Variants in EIF4G3 observed in about 807,000 individuals in gnomAD.
EIF4G3 encodes eIF-4-gamma 3.
Under a neutral mutation model 186.4 loss-of-function variants are expected in EIF4G3, and 34 were observed. The observed-to-expected ratio is 0.18, with a 90% CI of 0.14 to 0.24. The LOEUF (loss-of-function observed/expected upper bound fraction) is 0.24. Among genes scored for constraint, EIF4G3 ranks in the 10% least tolerant of loss-of-function variants. The probability of loss-of-function intolerance (pLI) is 1.00; values close to 1 mark genes in which losing one functional copy is unlikely to be tolerated. For missense variants in EIF4G3, 1,536 were observed against 1,948.5 expected, an observed-to-expected ratio of 0.79 and a Z score of 3.99; for synonymous variants, 673 against 679.5, an observed-to-expected ratio of 0.99 and a Z score of 0.15.
At chr1:21,070,232 TG>T (rs1244559438) in intron 3 of EIF4G3, among the ~76,000 whole-genome samples, 1 of 151,834 alleles carries the variant, frequency 6.6e-6, no homozygotes, top group African/African-American at 2.4e-5. Context: ...ACTAAGACTG[TG>T]GAAAAAAAAA....
intron 2 of EIF4G3, among the ~76,000 whole-genome samples, chr1:21,090,877 C>T (rs1431637081): frequency 6.6e-6 from 1 of 152,080 alleles, no homozygotes; most frequent in Non-Finnish European, 1.5e-5. Flanking sequence ...AAATAGGCAA[C>T]TAATATCAGG....
intron 2 of EIF4G3, among the ~76,000 whole-genome samples, chr1:21,157,468 C>A (rs534143516): frequency 6.6e-6 from 1 of 151,892 alleles, no homozygotes; most frequent in Non-Finnish European, 1.5e-5. Context: ...ACCTCCTGGG[C>A]TAGAGTGACC....
At chr1:20,989,582 AAGT>A (rs2080553683) in intron 7 of EIF4G3, among the ~76,000 whole-genome samples, 1 of 148,962 alleles carries the variant, frequency 6.7e-6, no homozygotes, top group African/African-American at 2.5e-5. Context: ...AAAAAAAAAA[AAGT>A]AGAGCCTGAA....
At chr1:20,886,059 G>T in intron 19 of EIF4G3, 142 bp downstream of exon 19, 1 of 1,072,548 alleles carries the variant, frequency 9.3e-7, no homozygotes. Context: ...ATCCATAATG[G>T]CTTTTAGAAT....
intron 4 of EIF4G3, among the ~76,000 whole-genome samples, chr1:21,030,792 A>G (rs2092668293): frequency 6.6e-6 from 1 of 152,220 alleles, no homozygotes. Context: ...CAGTGGCTCT[A>G]ATAGCGACCA....
rs115653489 is a variant in EIF4G3, at chr1:20,853,605, G to A, written c.3506C>T (p.Thr1169Met). 616 of 1,613,988 alleles carry A rather than the reference G, an allele frequency of 3.8e-4. 1 individual carries two copies. In the African/African-American group the frequency reaches 7.1e-3, roughly 19 times the overall value. Residue 1169 changes from threonine (T) to methionine (M), a missense_variant, in exon 27 of 37, where the codon ACG becomes ATG. This residue lies in a region of EIF4G3 where 395 missense variants were observed against 498.9 expected (regional missense o/e 0.79). Coordinates refer to ENST00000602326, the MANE Select transcript of EIF4G3 (RefSeq NM_001391906.1). ...ATCAAACTCTACAGGCGTGGATGGC[G>A]TGGACCCTGAGGGTGCTGGAGGTTG... is the stretch of plus-strand genomic sequence containing the variant. ...ALQPPAPSGS[T>M]PSTPVEFDSR...
At chr1:21,131,239 CA>C (rs33913086) in intron 2 of EIF4G3, among the ~76,000 whole-genome samples, 64,810 of 113,686 alleles carry the variant, frequency 0.57, 17,354 homozygotes, top group East Asian at 0.87. Flanking sequence ...GATTCTGCCT[CA>C]AAAAAAAAAA....
chr1:20,863,860 C>T (rs1402390604), intron 22 of EIF4G3, among the ~76,000 whole-genome samples: 1 of 151,964 alleles, frequency 6.6e-6, no homozygotes, highest in Non-Finnish European at 1.5e-5. Flanking sequence ...TTAGGAGTCA[C>T]AGAATGTTAA....
At chr1:21,116,761 C>T (rs1275233425) in intron 2 of EIF4G3, among the ~76,000 whole-genome samples, 2 of 151,448 alleles carry the variant, frequency 1.3e-5, no homozygotes, top group Non-Finnish European at 2.9e-5. Flanking sequence ...AACGCTTGAA[C>T]CCAGGAGGCG....
At chr1:20,840,723 A>G (rs1241333993) in intron 30 of EIF4G3, 133 bp downstream of exon 30, 1 of 749,000 alleles carries the variant, frequency 1.3e-6, no homozygotes, top group South Asian at 1.9e-5. Context: ...TAATTGCATC[A>G]TATCAACATA....
Position 20,981,137 on chromosome 1 carries a change from C to T in EIF4G3, c.289G>A (p.Val97Met). 6.2e-7 allele frequency: 1 copy of T among 1,613,840 alleles called. No individual in the cohort carries two copies. The highest frequency in any genetic ancestry group is 8.5e-7 in the Non-Finnish European group (1 of 1,179,944). Residue 97 changes from valine (V) to methionine (M), a missense_variant, in exon 9 of 37, where the codon GTG becomes ATG. This residue lies in a region of EIF4G3 where 194 missense variants were observed against 212.8 expected (regional missense o/e 0.91). Transcript: ENST00000602326. ...IRPGAQTPTA[V>M]YQANQHIMMV... The stretch of plus-strand genomic sequence containing the variant: ...ATGATGTGCTGATTAGCCTGGTACA[C>T]TGCAGTGGGTGTCTGTGCACCAGGA...
chr1:20,845,134 T>C (rs1343680818), intron 29 of EIF4G3, among the ~76,000 whole-genome samples: 1 of 152,198 alleles, frequency 6.6e-6, no homozygotes, highest in Non-Finnish European at 1.5e-5. Context: ...GATTTTTGTA[T>C]ATGGTATAAA....
intron 18 of EIF4G3, 52 bp from the exon 19 acceptor site, chr1:20,886,423 G>A: frequency 6.3e-7 from 1 of 1,575,222 alleles, no homozygotes; most frequent in East Asian, 2.2e-5. Flanking sequence ...TATTGGCTTT[G>A]TTGTGCTGTT....
chr1:21,151,468 G>A (rs2097549476), intron 2 of EIF4G3, among the ~76,000 whole-genome samples: 1 of 151,742 alleles, frequency 6.6e-6, no homozygotes, highest in Non-Finnish European at 1.5e-5. Flanking sequence ...TTGATCTCCT[G>A]ACCTCGTGAT....
At chr1:20,945,490 C>T (rs1476705268) in intron 13 of EIF4G3, among the ~76,000 whole-genome samples, 2 of 152,088 alleles carry the variant, frequency 1.3e-5, no homozygotes, top group Non-Finnish European at 2.9e-5. Flanking sequence ...TTCTGAGACA[C>T]AGTCTTGCTC....
At chr1:20,829,392 C>G in intron 30 of EIF4G3, 120 bp from the exon 31 acceptor site, 1 of 1,145,406 alleles carries the variant, frequency 8.7e-7, no homozygotes, top group South Asian at 1.4e-5. Flanking sequence ...TAGGTACAGT[C>G]TAGCCACAAA....
chr1:20,978,858 A>C (rs1427864014), intron 10 of EIF4G3, among the ~76,000 whole-genome samples: 3 of 152,090 alleles, frequency 2.0e-5, no homozygotes, highest in Non-Finnish European at 2.9e-5. Flanking sequence ...CCTTCTCTAA[A>C]AGAAGTAAAG....
chr1:21,171,813 T>C (rs112515491), intron 2 of EIF4G3, among the ~76,000 whole-genome samples: 162 of 152,308 alleles, frequency 1.1e-3, no homozygotes, highest in African/African-American at 3.8e-3. Context: ...AGATATCTAC[T>C]ACAATGAAAG....
intron 10 of EIF4G3, among the ~76,000 whole-genome samples, chr1:20,973,628 C>G (rs1362081777): frequency 2.6e-5 from 4 of 152,154 alleles, no homozygotes; most frequent in Non-Finnish European, 5.9e-5. Flanking sequence ...GGAAAAAAGG[C>G]TCAGAACATA....
Sources: gnomAD v4.1 joint callset for allele counts (sites outside exome capture counted in the v4.1 genomes callset) on GRCh38, gnomAD v4.1.1 for gene constraint, gnomAD v4.1.1 regional missense constraint, MANE v1.5 for transcripts, NCBI Gene and HGNC (gene_info 2026-07-23, HGNC 2026-07-21) for gene names.